Variants in TENM1 observed in about 807,000 individuals in gnomAD.
TENM1 encodes teneurin-1.
TENM1 carries 35 observed loss-of-function variants against 174.8 expected under a neutral mutation model. The ratio of observed to expected loss-of-function variants is 0.20; its 90% confidence interval spans 0.15 to 0.27. The LOEUF is 0.27. TENM1 is among the 10% of genes least tolerant of loss of function. TENM1 has a pLI of 1.00. For missense variants in TENM1, 1,633 were observed against 2,130.1 expected, an observed-to-expected ratio of 0.77 and a Z score of 4.59; for synonymous variants, 781 against 798.7, an observed-to-expected ratio of 0.98 and a Z score of 0.37.
chrX:124,673,475 A>C (rs983960948), intron 5 of TENM1, among the ~76,000 whole-genome samples: 4 of 112,037 alleles, frequency 3.6e-5, no homozygotes, highest in African/African-American at 1.3e-4. Flanking sequence ...TGATATAATA[A>C]AAACATCCTT....
At chrX:124,865,706 A>G (rs1436147376) in intron 3 of TENM1, among the ~76,000 whole-genome samples, 1 of 111,793 alleles carries the variant, frequency 8.9e-6, no homozygotes, top group Non-Finnish European at 1.9e-5. Flanking sequence ...CTCTCCAATC[A>G]AAAGACACAG....
chrX:124,701,745 G>C (rs926817006), intron 5 of TENM1, among the ~76,000 whole-genome samples: 2 of 111,839 alleles, frequency 1.8e-5, no homozygotes, highest in Non-Finnish European at 3.8e-5. Context: ...TTATTCAAAG[G>C]AATGATTTTT....
At chrX:125,191,879 G>T in the TENM1 span, among the ~76,000 whole-genome samples, 2 of 111,413 alleles carry the variant, frequency 1.8e-5, no homozygotes, top group East Asian at 5.6e-4. Context: ...ATGAAGACAT[G>T]AATGGATTGG....
At chrX:124,484,412 G>A (rs2046909919) in intron 21 of TENM1, among the ~76,000 whole-genome samples, 1 of 111,846 alleles carries the variant, frequency 8.9e-6, no homozygotes, top group African/African-American at 3.2e-5. Context: ...GGAGTAGAGA[G>A]TTATGCTCCA....
chrX:124,955,797 G>GCACACAAACA (rs1556430461), intron 1 of TENM1, among the ~76,000 whole-genome samples: 1,507 of 91,231 alleles, frequency 0.017, 27 homozygotes, highest in African/African-American at 0.069. Context: ...ACACGCGCAC[G>GCACACAAACA]CACACACACA....
intron 4 of TENM1, among the ~76,000 whole-genome samples, chrX:124,721,172 G>T (rs2053300343): frequency 9.0e-6 from 1 of 111,709 alleles, no homozygotes; most frequent in Admixed American, 9.5e-5. Flanking sequence ...TTGGACTCAA[G>T]ATTTCTAACT....
At chrX:124,792,031 A>T (rs1285715387) in intron 3 of TENM1, among the ~76,000 whole-genome samples, 1 of 110,680 alleles carries the variant, frequency 9.0e-6, no homozygotes, top group Admixed American at 9.6e-5. Context: ...TCTGGGAAAC[A>T]CCCGACCTAT....
the TENM1 span, among the ~76,000 whole-genome samples, chrX:124,973,951 C>T: frequency 8.1e-5 from 9 of 111,321 alleles, no homozygotes; most frequent in Non-Finnish European, 1.3e-4. Flanking sequence ...CACACTGGGA[C>T]CTGTCGGGGG....
chrX:124,779,929 TAA>T (rs762693777), intron 3 of TENM1, among the ~76,000 whole-genome samples: 79 of 112,065 alleles, frequency 7.0e-4, no homozygotes, highest in African/African-American at 2.5e-3. Context: ...GAACTAACCT[TAA>T]GTCTGTCTGA....
rs2048279505 is a variant in TENM1, at chrX:124,539,714, T to G, written c.2651+7160A>C. 2.7e-5 allele frequency among the ~76,000 whole-genome samples: 3 copies of G among 111,320 alleles called. No homozygotes were observed. The Admixed American group carries it at 2.9e-4, about 11-fold the overall frequency. On this transcript the variant is annotated intron_variant, in intron 15 of 31. Coordinates refer to ENST00000422452, the Ensembl canonical transcript of TENM1. Reference sequence around the variant, plus strand: ...TGGAATTTATGTTTGGTACACACATTTCAAATTGTAGAGAAAATTATTTAT... The same window carrying G: ...TGGAATTTATGTTTGGTACACACATGTCAAATTGTAGAGAAAATTATTTAT...
intron 22 of TENM1, among the ~76,000 whole-genome samples, chrX:124,473,472 G>A (rs986599895): frequency 9.0e-6 from 1 of 111,377 alleles, no homozygotes; most frequent in African/African-American, 3.3e-5. Context: ...TTTGGCTAGC[G>A]ATCTTAAATA....
intron 11 of TENM1, among the ~76,000 whole-genome samples, chrX:124,605,320 A>G (rs1020336178): frequency 8.4e-5 from 9 of 106,586 alleles, no homozygotes; most frequent in African/African-American, 2.7e-4. Context: ...TCTAGGTCCA[A>G]CAGAAAGTTT....
chrX:124,381,320 T>C (rs749880379), intron 31 of TENM1, 26 bp from the exon 35 acceptor site: 5 of 1,165,813 alleles, frequency 4.3e-6, no homozygotes, highest in African/African-American at 1.8e-5. Context: ...ACAGAGCAGA[T>C]GCAGCATGGA....
the TENM1 span, among the ~76,000 whole-genome samples, chrX:125,198,881 A>G: frequency 1.8e-5 from 2 of 109,704 alleles, no homozygotes; most frequent in African/African-American, 6.6e-5. Context: ...GGGTGGGGGC[A>G]GGGAAGGGGG....
intron 20 of TENM1, among the ~76,000 whole-genome samples, chrX:124,492,018 C>T (rs1396676722): frequency 1.8e-5 from 2 of 111,468 alleles, no homozygotes; most frequent in African/African-American, 6.5e-5. Context: ...CAAGTATAAA[C>T]CTGAAGTCAA....
intron 11 of TENM1, among the ~76,000 whole-genome samples, chrX:124,592,836 T>G (rs1189909993): frequency 9.3e-6 from 1 of 107,051 alleles, no homozygotes; most frequent in Non-Finnish European, 1.9e-5. Context: ...CAGAGAATGC[T>G]GGGTATGGGC....
the TENM1 span, among the ~76,000 whole-genome samples, chrX:125,000,848 AC>A: frequency 9.0e-6 from 1 of 111,465 alleles, no homozygotes; most frequent in Non-Finnish European, 1.9e-5. Context: ...TTTTAAGGCC[AC>A]CAGAGGCTTC....
intron 15 of TENM1, among the ~76,000 whole-genome samples, chrX:124,543,422 G>A (rs773700595): frequency 3.6e-5 from 4 of 111,928 alleles, no homozygotes; most frequent in East Asian, 5.6e-4. Context: ...GCTGTCAGCC[G>A]CTGCACTAAC....
intron 4 of TENM1, among the ~76,000 whole-genome samples, chrX:124,736,177 G>A (rs780397540): frequency 8.9e-6 from 1 of 112,316 alleles, no homozygotes; most frequent in Admixed American, 9.4e-5. Context: ...TAGAATCTAT[G>A]TTTTATTAGT....
Sources: allele counts gnomAD v4.1 joint callset (sites outside exome capture counted in the v4.1 genomes callset), GRCh38; gene constraint gnomAD v4.1.1; transcripts MANE v1.5; gene names NCBI Gene and HGNC (gene_info 2026-07-23, HGNC 2026-07-21).